Variants in PHF2 observed in about 807,000 individuals in gnomAD.
PHF2 encodes PHD finger protein 2, also known as lysine-specific demethylase PHF2.
In PHF2, 27 loss-of-function variants were observed where a neutral mutation model predicts 120.5. That is an observed-to-expected ratio of 0.22 (90% CI 0.17 to 0.31). PHF2 has a LOEUF of 0.31. Among genes scored for constraint, PHF2 ranks in the 10% least tolerant of loss-of-function variants. PHF2 has a pLI of 1.00. For synonymous variants in PHF2, 568 were observed against 592.5 expected (o/e 0.96, Z 0.60); for missense variants, 1,024 against 1,434.8 (o/e 0.71, Z 4.63).
intron 1 of PHF2, among the ~76,000 whole-genome samples, chr9:93,583,377 G>A (rs1478644884): frequency 6.6e-6 from 1 of 152,136 alleles, no homozygotes; most frequent in East Asian, 1.9e-4. Context: ...AAACATTTGT[G>A]TATAAATATT....
At chr9:93,598,727 C>T (rs1489871843) in intron 1 of PHF2, among the ~76,000 whole-genome samples, 1 of 152,180 alleles carries the variant, frequency 6.6e-6, no homozygotes, top group South Asian at 2.1e-4. Flanking sequence ...TTTCCTCAGT[C>T]CCCATCCCAG....
At chr9:93,610,565 C>T (rs1200180797) in intron 1 of PHF2, among the ~76,000 whole-genome samples, 1 of 152,126 alleles carries the variant, frequency 6.6e-6, no homozygotes, top group Admixed American at 6.5e-5. Context: ...ACATCAGTGC[C>T]ATCTCTGGGT....
chr9:93,665,919 G>C (rs1015789273), intron 15 of PHF2, 55 bp downstream of exon 15: 2 of 1,612,078 alleles, frequency 1.2e-6, no homozygotes, highest in African/African-American at 2.7e-5. Context: ...ATCCTGCCCC[G>C]GAGAGGTCTT....
chr9:93,661,226 G>A (rs1826558769), intron 12 of PHF2, among the ~76,000 whole-genome samples: 1 of 152,154 alleles, frequency 6.6e-6, no homozygotes, highest in South Asian at 2.1e-4. Flanking sequence ...ATGAACCCCT[G>A]AAGCACCATT....
intron 1 of PHF2, among the ~76,000 whole-genome samples, chr9:93,579,972 G>A (rs2131593998): frequency 6.6e-6 from 1 of 152,362 alleles, no homozygotes. Flanking sequence ...CTGGGTTGGG[G>A]AGAATGTTCA....
chr9:93,576,972 G>A (rs1474822669), intron 1 of PHF2, 101 bp downstream of exon 1: 6 of 367,946 alleles, frequency 1.6e-5, no homozygotes, highest in East Asian at 1.7e-4. Context: ...CCCGGCTCGG[G>A]GACGGGCCGC....
chr9:93,655,943 A>C lies in PHF2; in HGVS notation c.962A>C (p.Tyr321Ser). 1 of 1,611,752 alleles carries C rather than the reference A, an allele frequency of 6.2e-7. No homozygotes were observed. Among genetic ancestry groups the C allele is most frequent in the African/African-American group, 1.3e-5 (1 of 75,026 alleles). ...CCTGTCTCTCTCCCAGGCTGGATCT[A>C]CGCCACACTCACCCCTGTGGACTGC... ...QTLFIPSGWI[Y>S]ATLTPVDCLA... Residue 321 changes from tyrosine (Y) to serine (S), a missense_variant, in exon 8 of 22, where the codon TAC (tyrosine) becomes TCC (serine). Tyr to Ser is a moderately radical substitution (Grantham distance 144). Coordinates refer to ENST00000359246, the MANE Select transcript of PHF2 (RefSeq NM_005392.4).
At chr9:93,666,122 A>G in intron 16 of PHF2, 62 bp downstream of exon 16, 2 of 1,558,874 alleles carry the variant, frequency 1.3e-6, no homozygotes, top group Non-Finnish European at 8.8e-7. Flanking sequence ...CCCCAAGGCC[A>G]TGGTTTGAGT....
At chr9:93,613,958 G>C (rs1351648507) in intron 1 of PHF2, among the ~76,000 whole-genome samples, 1 of 152,122 alleles carries the variant, frequency 6.6e-6, no homozygotes, top group African/African-American at 2.4e-5. Flanking sequence ...ACCTGGTGCT[G>C]CTGCCTCTAC....
At chr9:93,578,536 G>A (rs1420461834) in intron 1 of PHF2, among the ~76,000 whole-genome samples, 3 of 152,222 alleles carry the variant, frequency 2.0e-5, no homozygotes, top group East Asian at 3.9e-4. Flanking sequence ...CAGTCACTCT[G>A]CTACAGAACC....
chr9:93,599,174 C>T (rs1443445557), intron 1 of PHF2, among the ~76,000 whole-genome samples: 3 of 152,202 alleles, frequency 2.0e-5, no homozygotes, highest in African/African-American at 7.2e-5. Context: ...ATTGCATGCA[C>T]CTGCAGGGGC....
chr9:93,625,469 T>C (rs1350750540), intron 1 of PHF2, among the ~76,000 whole-genome samples: 1 of 74,202 alleles, frequency 1.3e-5, no homozygotes, highest in Non-Finnish European at 2.5e-5. Flanking sequence ...TTTGAGTACC[T>C]TTTTTTTTTT....
At chr9:93,635,139 G>A (rs1481243347) in intron 2 of PHF2, among the ~76,000 whole-genome samples, 1 of 152,192 alleles carries the variant, frequency 6.6e-6, no homozygotes, top group Admixed American at 6.5e-5. Context: ...ATTTTGCCAA[G>A]TTTCCATAAT....
chr9:93,660,245 G>T lies in PHF2; in HGVS notation c.1383G>T (p.Glu461Asp). ...TGAATACTGTCGCCTCGTCAGATGA[G>T]GTGTGTGACGGGGACCGGGAGAAGG... ...PEVNTVASSD[E>D]VCDGDREKEE... Residue 461 changes from glutamate to aspartate, a missense_variant, in exon 12 of 22, where the codon GAG (glutamate) becomes GAT (aspartate). By Grantham distance (45) the Glu-to-Asp change is conservative. This residue lies in a region of PHF2 where 677 missense variants were observed against 857.4 expected (regional missense o/e 0.79). Coordinates refer to ENST00000359246, the MANE Select transcript of PHF2 (RefSeq NM_005392.4). 1 of 1,604,160 alleles carries T rather than the reference G, an allele frequency of 6.2e-7. No individual in the cohort carries two copies. The highest frequency in any genetic ancestry group is 8.5e-7 in the Non-Finnish European group (1 of 1,176,908).
chr9:93,632,622 G>A (rs1826020382), intron 2 of PHF2, among the ~76,000 whole-genome samples: 1 of 152,048 alleles, frequency 6.6e-6, no homozygotes, highest in Non-Finnish European at 1.5e-5. Flanking sequence ...TCTTTTATAA[G>A]GACACTAATC....
chr9:93,668,239 CA>C, intron 17 of PHF2, among the ~76,000 whole-genome samples: 1 of 152,274 alleles, frequency 6.6e-6, no homozygotes, highest in South Asian at 2.1e-4. Context: ...CCTTAGGGGA[CA>C]GATTTCCTGC....
chr9:93,581,116 T>C (rs1164657246), intron 1 of PHF2, among the ~76,000 whole-genome samples: 1 of 152,168 alleles, frequency 6.6e-6, no homozygotes, highest in African/African-American at 2.4e-5. Flanking sequence ...TCCGTCTGTC[T>C]GTCTGGGCTC....
chr9:93,666,173 G>A (rs1314083693), intron 16 of PHF2, 113 bp downstream of exon 16: 15 of 1,092,968 alleles, frequency 1.4e-5, no homozygotes, highest in Non-Finnish European at 2.0e-5. Context: ...GCATGAGATG[G>A]CAAAGGGGCC....
chr9:93,635,929 G>A (rs991874357), intron 2 of PHF2, among the ~76,000 whole-genome samples: 18 of 152,104 alleles, frequency 1.2e-4, no homozygotes, highest in African/African-American at 3.6e-4. Context: ...CTGGGGAGGT[G>A]GGGAGGAGAC....
Sources: gnomAD v4.1 joint callset for allele counts (sites outside exome capture counted in the v4.1 genomes callset) on GRCh38, gnomAD v4.1.1 for gene constraint, gnomAD v4.1.1 regional missense constraint, MANE v1.5 for transcripts, NCBI Gene and HGNC (gene_info 2026-07-23, HGNC 2026-07-21) for gene names.